Variants in KDM5A observed in about 807,000 individuals in gnomAD.
The protein encoded by KDM5A is lysine demethylase 5A.
A neutral mutation model predicts 193.5 loss-of-function variants in KDM5A; 42 were observed. That is an observed-to-expected ratio of 0.22 (90% CI 0.17 to 0.28). The LOEUF (loss-of-function observed/expected upper bound fraction) is 0.28. KDM5A is among the 10% of genes least tolerant of loss of function. The pLI is 1.00. For missense variants in KDM5A, 1,692 were observed against 2,055.1 expected (o/e 0.82, Z 3.42); for synonymous variants, 796 against 718.1 (o/e 1.11, Z -1.73).
chr12:320,626 T>G (rs1943705987), intron 18 of KDM5A, among the ~76,000 whole-genome samples: 1 of 152,214 alleles, frequency 6.6e-6, no homozygotes, highest in Non-Finnish European at 1.5e-5. Flanking sequence ...CTTTTAAGAT[T>G]TTACATATTC....
chr12:286,224 A>G (rs551418844), intron 27 of KDM5A: 1 of 496,170 alleles, frequency 2.0e-6, no homozygotes, highest in Admixed American at 2.2e-5. Flanking sequence ...AAAGTTAGCA[A>G]ATATCAGATG....
At chr12:288,368 A>G (rs1252414225) in intron 27 of KDM5A, among the ~76,000 whole-genome samples, 5 of 152,322 alleles carry the variant, frequency 3.3e-5, no homozygotes, top group African/African-American at 1.2e-4. Context: ...CTTCACAGCT[A>G]TGAACTGTTC....
intron 5 of KDM5A, among the ~76,000 whole-genome samples, chr12:360,264 ACT>A (rs1041962199): frequency 5.3e-5 from 8 of 151,916 alleles, no homozygotes; most frequent in Non-Finnish European, 1.0e-4. Context: ...TTACAGCAAG[ACT>A]CTGTCTTAAA....
At chr12:344,098 G>A (rs147359360) in intron 10 of KDM5A, among the ~76,000 whole-genome samples, 4 of 152,280 alleles carry the variant, frequency 2.6e-5, no homozygotes, top group African/African-American at 9.6e-5. Context: ...AAAACCATGG[G>A]ACGAGAACTT....
chr12:387,007 T>C lies in KDM5A; in HGVS notation c.166-1033A>G, dbSNP rs191956235. Among the ~76,000 whole-genome samples, 413 of 152,330 alleles carry C rather than the reference T, an allele frequency of 2.7e-3. 1 individual carries two copies. Among genetic ancestry groups the C allele is most frequent in the African/African-American group, 9.5e-3 (396 of 41,576 alleles). ...TATTTAAACGATTTTTTTTATGTTA[T>C]GTGTAATGTGACAGAGCACTTTATG... On this transcript the variant is annotated intron_variant, in intron 1 of 27. Coordinates refer to ENST00000399788, the MANE Select transcript of KDM5A (RefSeq NM_001042603.3).
intron 18 of KDM5A, 53 bp from the exon 19 acceptor site, chr12:318,514 A>C: frequency 7.4e-7 from 1 of 1,349,810 alleles, no homozygotes; most frequent in Non-Finnish European, 1.1e-6. Context: ...AAACATACAA[A>C]AGAGTATGAA....
Position 366,803 on chromosome 12 carries a change from T to C in KDM5A, c.367-699A>G, listed in dbSNP as rs374429294. ...CTCCTTAACGTCCAGGAGCTGTTAC[T>C]ATACATCTCTTAGGCTCTAAAATAC... is the stretch of plus-strand genomic sequence containing the variant. On this transcript the variant is annotated intron_variant, in intron 3 of 27. Transcript: ENST00000399788. Among the ~76,000 whole-genome samples the C allele has an allele frequency of 4.6e-4, 70 of 152,372 alleles. 1 individual carries two copies. The South Asian group carries it at 0.014, about 32-fold the overall frequency.
intron 19 of KDM5A, among the ~76,000 whole-genome samples, chr12:313,470 A>G (rs1943614649): frequency 6.6e-6 from 1 of 152,196 alleles, no homozygotes; most frequent in African/African-American, 2.4e-5. Flanking sequence ...TTCCCCGGTC[A>G]TTTAGTGTAA....
intron 12 of KDM5A, chr12:333,211 G>A: frequency 2.3e-6 from 1 of 442,650 alleles, no homozygotes; most frequent in Non-Finnish European, 4.2e-6. Flanking sequence ...TTGAGCTCAG[G>A]AGTTCGAGAC....
intron 3 of KDM5A, among the ~76,000 whole-genome samples, chr12:367,503 C>T (rs1374906295): frequency 5.3e-5 from 8 of 152,066 alleles, no homozygotes; most frequent in Non-Finnish European, 1.2e-4. Flanking sequence ...TCAAGAGCAG[C>T]CTGCGCAACA....
intron 25 of KDM5A, among the ~76,000 whole-genome samples, chr12:296,002 A>G (rs1418491970): frequency 6.6e-6 from 1 of 152,118 alleles, no homozygotes; most frequent in African/African-American, 2.4e-5. Flanking sequence ...TCTAAAAAAA[A>G]TGGTTTGGGG....
At chr12:374,457 CTG>C (rs931654029) in intron 3 of KDM5A, among the ~76,000 whole-genome samples, 2 of 152,120 alleles carry the variant, frequency 1.3e-5, no homozygotes, top group Admixed American at 1.3e-4. Flanking sequence ...TATTTTGAGC[CTG>C]TGTGTGTCTC....
At chr12:322,217 C>T in intron 17 of KDM5A, 200 bp downstream of exon 17, 1 of 592,908 alleles carries the variant, frequency 1.7e-6, no homozygotes, top group African/African-American at 1.9e-5. Context: ...TGAAGAACAG[C>T]AAGAGAAAGA....
chr12:306,109 C>T (rs532967177), intron 24 of KDM5A, among the ~76,000 whole-genome samples: 48 of 151,378 alleles, frequency 3.2e-4, no homozygotes, highest in African/African-American at 1.1e-3. Context: ...GTAGCTGGGA[C>T]TACAGGTGTG....
intron 10 of KDM5A, among the ~76,000 whole-genome samples, chr12:334,997 C>T (rs1440975572): frequency 6.6e-6 from 1 of 151,950 alleles, no homozygotes; most frequent in African/African-American, 2.4e-5. Context: ...TATACAAACA[C>T]ACCTAGAAAT....
Position 345,017 on chromosome 12 carries a change from G to A in KDM5A, c.1308+5604C>T, listed in dbSNP as rs544784488. On this transcript the variant is annotated intron_variant, in intron 10 of 27. Transcript: ENST00000399788. ...ACCCATCAGTGTGCCGTATTCAGGA[G>A]ACCCATCTCACGTGCAAAGACGCAC... Among the ~76,000 whole-genome samples the A allele has an allele frequency of 7.9e-4, 120 of 152,108 alleles. 1 individual carries two copies. Among genetic ancestry groups the A allele is most frequent in the South Asian group, 3.7e-3 (18 of 4,810 alleles).
Position 323,746 on chromosome 12 carries a change from A to G in KDM5A, c.2004T>C (p.Leu668=). The change falls in exon 15 of 28, where the codon CTT becomes CTC. Residue 668 remains leucine, a synonymous_variant. Coordinates refer to ENST00000399788, the MANE Select transcript of KDM5A (RefSeq NM_001042603.3). ...VLMSEEEVFE[L]VPDDERQCSA... is the part of the protein sequence containing the mutation. Reference sequence around the variant, plus strand: ...AACACTGCCGCTCATCATCAGGAACAAGTTCAAACACTTCTTCTTCTGACA... The same window carrying G: ...AACACTGCCGCTCATCATCAGGAACGAGTTCAAACACTTCTTCTTCTGACA... 1 of 1,614,128 alleles carries G rather than the reference A, an allele frequency of 6.2e-7. No individual in the cohort carries two copies. Among genetic ancestry groups the G allele is most frequent in the African/African-American group, 1.3e-5 (1 of 75,058 alleles).
chr12:333,364 A>T, intron 12 of KDM5A, 123 bp downstream of exon 12: 1 of 1,029,738 alleles, frequency 9.7e-7, no homozygotes, highest in Non-Finnish European at 1.5e-6. Flanking sequence ...GGCTGCAATG[A>T]GCAATCATCG....
chr12:314,471 A>G (rs1943626038), intron 19 of KDM5A, among the ~76,000 whole-genome samples: 2 of 152,156 alleles, frequency 1.3e-5, no homozygotes, highest in Non-Finnish European at 2.9e-5. Flanking sequence ...CTGGGATTAC[A>G]GGCGTGAGCC....
Sources: gnomAD v4.1 joint callset for allele counts (sites outside exome capture counted in the v4.1 genomes callset) on GRCh38, gnomAD v4.1.1 for gene constraint, MANE v1.5 for transcripts, NCBI Gene and HGNC (gene_info 2026-07-23, HGNC 2026-07-21) for gene names.